PRSS23: variants seen among roughly 807,000 people sequenced by gnomAD.
PRSS23 encodes the protein protease, serine 23.
Under a neutral mutation model 34.7 loss-of-function variants are expected in PRSS23, and 25 were observed. That is an observed-to-expected ratio of 0.72 (90% confidence interval 0.53 to 1.01). The LOEUF (loss-of-function observed/expected upper bound fraction) is 1.01, where lower values mean the gene tolerates loss of function less well. Ranked by LOEUF, PRSS23 falls within the 50% of genes least tolerant of loss-of-function variation. PRSS23 has a pLI of 0.00. For missense variants in PRSS23, 445 were observed against 475.6 expected (o/e 0.94, Z 0.60); for synonymous variants, 176 against 186.6 (o/e 0.94, Z 0.46).
chr11:86,892,304 C>G (rs535305048), intron 2 of PRSS23: 1 of 152,410 alleles, frequency 6.6e-6, no homozygotes, highest in Admixed American at 6.5e-5. Context: ...GTCACTCCCT[C>G]TCTTTTCTCT....
At chr11:86,828,923 T>G (rs1343665896) in intron 2 of PRSS23, among the ~76,000 whole-genome samples, 4 of 152,196 alleles carry the variant, frequency 2.6e-5, no homozygotes, top group African/African-American at 9.7e-5. Context: ...TGGCTGCCCT[T>G]AACATTTTTT....
chr11:86,792,293 T>C (rs935921444), intron 1 of PRSS23, among the ~76,000 whole-genome samples: 1 of 152,168 alleles, frequency 6.6e-6, no homozygotes, highest in Non-Finnish European at 1.5e-5. Context: ...CAACTCTCCA[T>C]GGACTACTCG....
chr11:86,893,768 C>T (rs987254308), intron 2 of PRSS23, among the ~76,000 whole-genome samples: 3 of 152,066 alleles, frequency 2.0e-5, no homozygotes, highest in Admixed American at 6.6e-5. Flanking sequence ...TATTTACTCT[C>T]ATACAAATAT....
chr11:86,940,853 C>T (rs1237548743), intron 2 of PRSS23: 1 of 152,196 alleles, frequency 6.6e-6, no homozygotes, highest in Non-Finnish European at 1.5e-5. Context: ...ATAGAGCAAT[C>T]TCTTTGTATT....
At chr11:86,805,042 C>T (rs1200607762) in intron 1 of PRSS23, among the ~76,000 whole-genome samples, 1 of 152,130 alleles carries the variant, frequency 6.6e-6, no homozygotes, top group Admixed American at 6.5e-5. Context: ...ACCATGTGCT[C>T]AATGTAAGTC....
intron 2 of PRSS23, among the ~76,000 whole-genome samples, chr11:86,915,714 G>A (rs1190754144): frequency 6.6e-6 from 1 of 151,802 alleles, no homozygotes; most frequent in Non-Finnish European, 1.5e-5. Flanking sequence ...AAATTATAGA[G>A]CAACTGTATA....
chr11:86,854,287 C>T (rs550620964), intron 2 of PRSS23, among the ~76,000 whole-genome samples: 143 of 152,242 alleles, frequency 9.4e-4, no homozygotes, highest in African/African-American at 3.3e-3. Flanking sequence ...GGTGTGAGCC[C>T]CCGCACCTGG....
At position 86,873,573 on chromosome 11, in the gene PRSS23, G is replaced by A. The variant is rs527990031; in HGVS notation, c.206+49980G>A. Among the ~76,000 whole-genome samples the A allele has an allele frequency of 2.3e-4, 35 of 152,058 alleles. No individual in the cohort carries two copies. In the South Asian group the frequency reaches 4.4e-3, roughly 19 times the overall value. ...GTTGGGATTGTAGGCATGAGCCACCGTGCCCAGCCTATATTCTTAAAGATT... is the reference window on the plus strand; with the variant it reads ...GTTGGGATTGTAGGCATGAGCCACCATGCCCAGCCTATATTCTTAAAGATT... On this transcript the variant is annotated intron_variant, in intron 2 of 2. Coordinates refer to the PRSS23 transcript ENST00000533902.
chr11:86,810,773 A>G lies in PRSS23; in HGVS notation c.*1978A>G, dbSNP rs1269554011. On this transcript the variant is annotated 3_prime_UTR_variant, in exon 2 of 2. Coordinates refer to ENST00000280258, the MANE Select transcript of PRSS23 (RefSeq NM_007173.6). The stretch of plus-strand genomic sequence containing the variant: ...GTTCACAAGTAGATGTAATTTACTA[A>G]AGAATGATACACCCATATGCTATAT... 6.0e-6 allele frequency: 1 copy of G among 167,100 alleles called. No individual in the cohort carries two copies. The allele number at this position is 167,100 out of a possible 1,614,324, so 10.4% of individuals were successfully genotyped here.
intron 2 of PRSS23, among the ~76,000 whole-genome samples, chr11:86,829,942 A>G (rs1218771127): frequency 6.6e-6 from 1 of 152,224 alleles, no homozygotes; most frequent in Non-Finnish European, 1.5e-5. Context: ...GTCAGGGGTC[A>G]GGGACCCACT....
At chr11:86,878,252 C>T (rs1313110997) in intron 2 of PRSS23, among the ~76,000 whole-genome samples, 4 of 147,080 alleles carry the variant, frequency 2.7e-5, no homozygotes, top group Admixed American at 1.3e-4. Context: ...CCCTCATCTC[C>T]GTCTCCCTCT....
chr11:86,834,556 TC>T (rs1590886008), intron 2 of PRSS23, among the ~76,000 whole-genome samples: 1 of 44,746 alleles, frequency 2.2e-5, no homozygotes, highest in South Asian at 9.3e-4. Context: ...CTTTCCTTTT[TC>T]CTTTCCTTTC....
chr11:86,887,435 T>C lies in PRSS23; in HGVS notation c.207-63781T>C, dbSNP rs7115868. Among the ~76,000 whole-genome samples the C allele has an allele frequency of 2.8e-3, 416 of 148,702 alleles. 1 individual carries two copies. The highest frequency in any genetic ancestry group is 9.6e-3 in the African/African-American group (390 of 40,514). ...AAACAAAAAAAAAAAAACAGAAGCA[T>C]GAACGTCCCAGCAAAAAAGCCAGGA... is the stretch of plus-strand genomic sequence containing the variant. On this transcript the variant is annotated intron_variant, in intron 2 of 2. Coordinates refer to the PRSS23 transcript ENST00000533902.
intron 1 of PRSS23, among the ~76,000 whole-genome samples, chr11:86,802,811 A>C (rs1948055935): frequency 6.6e-6 from 1 of 152,222 alleles, no homozygotes; most frequent in African/African-American, 2.4e-5. Flanking sequence ...TGCAGGAGAC[A>C]GTAGTCACTG....
chr11:86,902,714 G>C (rs1469226292), intron 2 of PRSS23, among the ~76,000 whole-genome samples: 2 of 152,180 alleles, frequency 1.3e-5, no homozygotes, highest in African/African-American at 4.8e-5. Flanking sequence ...TAAACAACAT[G>C]ATATCAAGAC....
At chr11:86,871,438 T>G (rs1238723124) in intron 2 of PRSS23, among the ~76,000 whole-genome samples, 1 of 152,156 alleles carries the variant, frequency 6.6e-6, no homozygotes, top group East Asian at 1.9e-4. Flanking sequence ...CAGCTTAGTT[T>G]TCAAAGACCC....
intron 2 of PRSS23, among the ~76,000 whole-genome samples, chr11:86,830,011 C>G (rs909963354): frequency 7.2e-5 from 11 of 152,120 alleles, no homozygotes; most frequent in Non-Finnish European, 1.2e-4. Flanking sequence ...AACCACTGCT[C>G]TCTTCAAAGC....
chr11:86,808,860 G>GT lies in PRSS23; in HGVS notation c.*71dup. 2 of 1,419,164 alleles carry GT rather than the reference G, an allele frequency of 1.4e-6. No homozygotes were observed. Among genetic ancestry groups the GT allele is most frequent in the Non-Finnish European group, 1.9e-6 (2 of 1,037,372 alleles). 87.9% of individuals were successfully genotyped at this position (1,419,164 alleles called of 1,614,324 possible). ...TTCTTATTTTAGGAGAGGCCAAATT[G>GT]TTTTTTGTCATTGGCGTGCACACGT... is the stretch of plus-strand genomic sequence containing the variant. On this transcript the variant is annotated 3_prime_UTR_variant, in exon 2 of 2. Coordinates refer to ENST00000280258, the MANE Select transcript of PRSS23 (RefSeq NM_007173.6).
chr11:86,911,081 G>A (rs948888174), intron 2 of PRSS23: 3 of 152,000 alleles, frequency 2.0e-5, no homozygotes, highest in African/African-American at 7.2e-5. Flanking sequence ...TACATGATGA[G>A]TTCTAAAGGG....
Sources: gnomAD v4.1 joint callset for allele counts (sites outside exome capture counted in the v4.1 genomes callset) on GRCh38, gnomAD v4.1.1 for gene constraint, MANE v1.5 for transcripts, NCBI Gene and HGNC (gene_info 2026-07-23, HGNC 2026-07-21) for gene names.